SLC51A: variants seen among roughly 807,000 people sequenced by gnomAD.
SLC51A encodes the protein organic solute transporter subunit alpha.
Under a neutral mutation model 34.8 loss-of-function variants are expected in SLC51A, and 22 were observed. That is an observed-to-expected ratio of 0.63 (90% CI 0.45 to 0.90). SLC51A has a LOEUF of 0.90. SLC51A is among the 40% of genes least tolerant of loss of function. SLC51A has a pLI of 0.00. For missense variants in SLC51A, 371 were observed against 414.8 expected, an observed-to-expected ratio of 0.89 and a Z score of 0.92; for synonymous variants, 181 against 176.3, an observed-to-expected ratio of 1.03 and a Z score of -0.21.
intron 2 of SLC51A, among the ~76,000 whole-genome samples, chr3:196,225,387 C>T (rs149257988): frequency 1.1e-3 from 170 of 152,274 alleles, no homozygotes; most frequent in African/African-American, 4.0e-3. Flanking sequence ...CCGTGGCCAC[C>T]TTTCTCCCTG....
intron 7 of SLC51A, among the ~76,000 whole-genome samples, chr3:196,231,488 G>A (rs1323424996): frequency 1.3e-5 from 2 of 152,248 alleles, no homozygotes; most frequent in South Asian, 2.1e-4. Context: ...GTGAGTTCAC[G>A]TACATTCTCA....
intron 7 of SLC51A, among the ~76,000 whole-genome samples, chr3:196,230,338 C>T (rs921235949): frequency 3.9e-5 from 6 of 152,118 alleles, no homozygotes; most frequent in South Asian, 2.1e-4. Context: ...AAGTCCACAG[C>T]GAAGGAGCCA....
At chr3:196,229,861 GA>G in intron 6 of SLC51A, 53 bp from the exon 7 acceptor site, 1 of 1,504,340 alleles carries the variant, frequency 6.6e-7, no homozygotes, top group Non-Finnish European at 9.0e-7. Context: ...TTGAAAGAGA[GA>G]GAGAGAGAGA....
intron 2 of SLC51A, among the ~76,000 whole-genome samples, chr3:196,224,438 T>C (rs1723843038): frequency 6.7e-6 from 1 of 149,562 alleles, no homozygotes; most frequent in Non-Finnish European, 1.5e-5. Context: ...CTCACGCCTG[T>C]AATCCCAGCA....
In SLC51A at chr3:196,222,530, G is replaced by T. The variant is rs12633332; in HGVS notation, c.134-4435G>T. Reference sequence around the variant, plus strand: ...GGTACCTGTAATCCCAGCTACCTGGGAGGCGGAGGCAGAAGAATTGCTTGG... The same window carrying T: ...GGTACCTGTAATCCCAGCTACCTGGTAGGCGGAGGCAGAAGAATTGCTTGG... On this transcript the variant is annotated intron_variant, in intron 2 of 8. Transcript: ENST00000296327. Among the ~76,000 whole-genome samples, 522 of 151,560 alleles carry T rather than the reference G, an allele frequency of 3.4e-3. 8 individuals are homozygous for T. In the East Asian group the frequency reaches 0.048, roughly 14 times the overall value.
rs757411135 is a variant in SLC51A, at chr3:196,228,793, C to T, written c.522-16C>T. 25 of 1,610,486 alleles carry T rather than the reference C, an allele frequency of 1.6e-5. No homozygotes were observed. The highest frequency in any genetic ancestry group is 4.5e-5 in the East Asian group (2 of 44,854). The stretch of plus-strand genomic sequence containing the variant: ...GGGTTTGTGGGCCCATGTTCCTAAC[C>T]CTCTTCCCCACTCAGGAAGAAGCTT... On this transcript the variant is annotated splice_polypyrimidine_tract_variant and intron_variant, in intron 5 of 8. Transcript: ENST00000296327. The surrounding 1 kb of genome is among the most constrained non-coding windows in gnomAD (Gnocchi z 4.9).
At chr3:196,231,252 C>T (rs1426672040) in intron 7 of SLC51A, among the ~76,000 whole-genome samples, 1 of 152,244 alleles carries the variant, frequency 6.6e-6, no homozygotes, top group Non-Finnish European at 1.5e-5. Flanking sequence ...CTCCTCCACA[C>T]ATCTGTCTTC....
intron 7 of SLC51A, among the ~76,000 whole-genome samples, chr3:196,231,448 G>A (rs1269483763): frequency 6.6e-6 from 1 of 152,148 alleles, no homozygotes; most frequent in Non-Finnish European, 1.5e-5. Context: ...CTACTCCCAA[G>A]GCATAATGAC....
chr3:196,232,272 T>A (rs563712911), intron 7 of SLC51A, 147 bp from the exon 8 acceptor site: 1 of 585,844 alleles, frequency 1.7e-6, no homozygotes, highest in African/African-American at 1.9e-5. Flanking sequence ...TTTAATGAAG[T>A]GAGAGCCTCA....
chr3:196,227,951 TCC>T (rs1018022673), intron 4 of SLC51A, 162 bp from the exon 5 acceptor site: 5 of 1,025,048 alleles, frequency 4.9e-6, no homozygotes, highest in South Asian at 4.7e-5. Context: ...AGTCTGAAAT[TCC>T]CCTTCTCCCA....
chr3:196,230,634 A>C (rs1056832850), intron 7 of SLC51A, among the ~76,000 whole-genome samples: 1 of 151,406 alleles, frequency 6.6e-6, no homozygotes. Context: ...ACAGGCATGT[A>C]CCACCACGCC....
At chr3:196,232,385 C>G in intron 7 of SLC51A, 34 bp from the exon 8 acceptor site, 1 of 1,559,110 alleles carries the variant, frequency 6.4e-7, no homozygotes, top group Non-Finnish European at 8.8e-7. Flanking sequence ...AGGGCAGGCC[C>G]AGTCCACCCT....
At position 196,216,675 on chromosome 3, in the gene SLC51A, A is replaced by C; in HGVS notation, c.-38A>C. ...CTGCCCGCCCCGCCTGCCCTTCCTC[A>C]CCCCGGTGCCTGCGGGATTGCTGGA... On this transcript the variant is annotated 5_prime_UTR_variant, in exon 1 of 9. Transcript: ENST00000296327. This position sits in a 1 kb window ranked among gnomAD's most constrained non-coding sequence, Gnocchi z 4.5. 1 of 1,547,224 alleles carries C rather than the reference A, an allele frequency of 6.5e-7. No individual in the cohort carries two copies. The highest frequency in any genetic ancestry group is 8.7e-7 in the Non-Finnish European group (1 of 1,146,034).
chr3:196,218,421 T>A (rs1383238293), intron 2 of SLC51A, among the ~76,000 whole-genome samples: 2 of 152,276 alleles, frequency 1.3e-5, no homozygotes, highest in Non-Finnish European at 2.9e-5. Flanking sequence ...AAAACCTTTG[T>A]CCTCACTGGA....
intron 7 of SLC51A, among the ~76,000 whole-genome samples, chr3:196,230,941 A>G (rs1248009368): frequency 6.6e-6 from 1 of 152,206 alleles, no homozygotes; most frequent in African/African-American, 2.4e-5. Context: ...TGGGGACACA[A>G]TTTAACCTGT....
intron 7 of SLC51A, among the ~76,000 whole-genome samples, chr3:196,231,939 G>A (rs961132700): frequency 3.9e-5 from 6 of 152,230 alleles, no homozygotes; most frequent in African/African-American, 4.8e-5. Context: ...CATTACCACC[G>A]TCCATCTCCA....
chr3:196,231,260 T>G (rs1724023235), intron 7 of SLC51A, among the ~76,000 whole-genome samples: 1 of 152,230 alleles, frequency 6.6e-6, no homozygotes. Flanking sequence ...CACATCTGTC[T>G]TCTCCTTACC....
chr3:196,225,651 TTAAAAC>T (rs1467004568), intron 2 of SLC51A: 1 of 152,210 alleles, frequency 6.6e-6, no homozygotes, highest in Non-Finnish European at 1.5e-5. Flanking sequence ...AACCCTTTCT[TTAAAAC>T]TAACGGCTGC....
chr3:196,230,099 C>T (rs67261052), intron 7 of SLC51A, 38 bp downstream of exon 7: 494,265 of 1,552,664 alleles, frequency 0.32, 84,599 homozygotes, highest in East Asian at 0.77. Context: ...GTTTCATAAC[C>T]GAGCTACAGA....
Sources: gnomAD v4.1 joint callset for allele counts (sites outside exome capture counted in the v4.1 genomes callset) on GRCh38, gnomAD v4.1.1 for gene constraint, Gnocchi (gnomAD v3.1) non-coding constraint, MANE v1.5 for transcripts, NCBI Gene and HGNC (gene_info 2026-07-23, HGNC 2026-07-21) for gene names.